The following NAV2 variants were observed in gnomAD, a reference collection of about 807,000 sequenced individuals.
NAV2 encodes the protein neuron navigator 2.
A neutral mutation model predicts 223.2 loss-of-function variants in NAV2; 54 were observed. That is an observed-to-expected ratio of 0.24 (90% confidence interval 0.19 to 0.30). The LOEUF is 0.30. NAV2 is among the 10% of genes least tolerant of loss of function. The probability of loss-of-function intolerance (pLI) is 1.00; values close to 1 mark genes in which losing one functional copy is unlikely to be tolerated. For synonymous variants in NAV2, 1,279 were observed against 1,239.3 expected, an observed-to-expected ratio of 1.03 and a Z score of -0.67; for missense variants, 2,806 against 3,147.5, an observed-to-expected ratio of 0.89 and a Z score of 2.60.
At chr11:19,672,287 T>A (rs2048594599) in intron 1 of NAV2, among the ~76,000 whole-genome samples, 1 of 152,202 alleles carries the variant, frequency 6.6e-6, no homozygotes, top group African/African-American at 2.4e-5. Context: ...TGTGGTTGTT[T>A]AACTTTTCTC....
rs117345937 is a variant in NAV2, at chr11:19,351,348, C to T, written c.75+321C>T. Among the ~76,000 whole-genome samples the T allele has an allele frequency of 6.7e-3, 1,017 of 152,292 alleles. 14 individuals carry two copies. Among genetic ancestry groups the T allele is most frequent in the South Asian group, 0.038 (181 of 4,818 alleles). ...ATGAGTTTCTTTGTACTGAAGCCCC[C>T]TTCGGGATTCACACACTCTTAGCAC... is the stretch of plus-strand genomic sequence containing the variant. On this transcript the variant is annotated intron_variant, in intron 1 of 37. Transcript: ENST00000360655.
At chr11:19,567,015 G>A (rs893360410) in intron 1 of NAV2, among the ~76,000 whole-genome samples, 1 of 152,192 alleles carries the variant, frequency 6.6e-6, no homozygotes, top group Non-Finnish European at 1.5e-5. Context: ...TTTCTGGAAC[G>A]AGAAATCTAC....
chr11:19,514,542 C>G (rs1321892759), intron 1 of NAV2, among the ~76,000 whole-genome samples: 1 of 152,150 alleles, frequency 6.6e-6, no homozygotes, highest in African/African-American at 2.4e-5. Flanking sequence ...TCAGAGAGAC[C>G]AACTCACTAA....
At chr11:19,928,227 C>G (rs913405087) in intron 6 of NAV2, among the ~76,000 whole-genome samples, 2 of 152,092 alleles carry the variant, frequency 1.3e-5, no homozygotes, top group South Asian at 4.1e-4. Context: ...TTGTATTTTC[C>G]TTAAACTAGC....
At chr11:19,461,011 A>G (rs995518789) in intron 1 of NAV2, among the ~76,000 whole-genome samples, 7 of 152,250 alleles carry the variant, frequency 4.6e-5, no homozygotes, top group Admixed American at 3.9e-4. Flanking sequence ...CTGATTTTCC[A>G]GGAGGGGACT....
intron 19 of NAV2, among the ~76,000 whole-genome samples, chr11:20,059,467 T>C (rs2058568799): frequency 6.6e-6 from 1 of 152,172 alleles, no homozygotes; most frequent in South Asian, 2.1e-4. Flanking sequence ...TTCTATCTAG[T>C]GTTTTCACTC....
chr11:20,075,577 G>A lies in NAV2; in HGVS notation c.4984-1975G>A, dbSNP rs149783041. Among the ~76,000 whole-genome samples, 1,153 of 152,094 alleles carry A rather than the reference G, an allele frequency of 7.6e-3. 4 individuals carry two copies. The highest frequency in any genetic ancestry group is 0.034 in the Middle Eastern group (10 of 292). ...TTAATAGAGAGAGGGAGTGCAATGA[G>A]AGAGAAGCTAACTATTCCACTTAAC... On this transcript the variant is annotated intron_variant, in intron 22 of 37. Coordinates refer to ENST00000349880, the MANE Select transcript of NAV2 (RefSeq NM_145117.5).
intron 3 of NAV2, among the ~76,000 whole-genome samples, chr11:19,856,553 T>G (rs11025292): frequency 0.15 from 22,912 of 152,136 alleles, 1,784 homozygotes; most frequent in African/African-American, 0.17. Context: ...AACTAGCTTT[T>G]GAAATAAAAA....
chr11:19,792,429 A>G (rs1344003814), intron 1 of NAV2, among the ~76,000 whole-genome samples: 1 of 152,198 alleles, frequency 6.6e-6, no homozygotes, highest in African/African-American at 2.4e-5. Context: ...TGCAGGGGAG[A>G]GCACTCTTGG....
chr11:19,853,623 T>G (rs1158090620), intron 3 of NAV2, among the ~76,000 whole-genome samples: 1 of 152,246 alleles, frequency 6.6e-6, no homozygotes, highest in Non-Finnish European at 1.5e-5. Flanking sequence ...CATTCCTGCC[T>G]TGTACATTCT....
chr11:19,395,232 A>G (rs1849401729), intron 1 of NAV2, among the ~76,000 whole-genome samples: 1 of 152,268 alleles, frequency 6.6e-6, no homozygotes, highest in Non-Finnish European at 1.5e-5. Context: ...GTGCATTCAC[A>G]TTCCTGTTCA....
At chr11:19,401,160 T>C (rs1004963463) in intron 1 of NAV2, among the ~76,000 whole-genome samples, 1 of 152,244 alleles carries the variant, frequency 6.6e-6, no homozygotes, top group South Asian at 2.1e-4. Flanking sequence ...AAAATATTAA[T>C]TCTTTCTATT....
At position 19,713,746 on chromosome 11, in the gene NAV2, C is replaced by T. The variant is rs184978478; in HGVS notation, c.51C>T (p.Pro17=). 3 of 1,611,144 alleles carry T rather than the reference C, an allele frequency of 1.9e-6. No individual in the cohort carries two copies. Among genetic ancestry groups the T allele is most frequent in the South Asian group, 1.1e-5 (1 of 90,828 alleles). Residue 17 remains proline, a synonymous_variant, in exon 1 of 38, where the codon CCC becomes CCT. Coordinates refer to ENST00000349880, the MANE Select transcript of NAV2 (RefSeq NM_145117.5). This position sits in a 1 kb window ranked among gnomAD's most constrained non-coding sequence, Gnocchi z 7.2. ...ASKMKSGLPK[P]VHSAAPILHV... is the part of the protein sequence containing the mutation. The stretch of plus-strand genomic sequence containing the variant: ...AAATGAAGTCGGGACTGCCCAAACC[C>T]GTGCACAGCGCCGCGCCCATCCTGC...
chr11:19,928,277 A>C (rs1408208256), intron 6 of NAV2, among the ~76,000 whole-genome samples: 3 of 152,184 alleles, frequency 2.0e-5, no homozygotes, highest in Admixed American at 6.5e-5. Context: ...TGAAACTGTT[A>C]ATTTATATAT....
At chr11:20,092,900 C>G (rs2060952682) in intron 28 of NAV2, among the ~76,000 whole-genome samples, 199 bp from the exon 29 acceptor site, 1 of 152,174 alleles carries the variant, frequency 6.6e-6, no homozygotes, top group South Asian at 2.1e-4. Flanking sequence ...CATTGTCAGC[C>G]TACTGGTTCT....
rs992164120 is a variant in NAV2, at chr11:19,402,769, A to G, written c.75+51742A>G. On this transcript the variant is annotated intron_variant, in intron 1 of 37. Coordinates refer to the NAV2 transcript ENST00000360655. ...ATCTGTCTCCATGTGAGCATTGCTC[A>G]CTGTAGTTACCTCTGTCTCTCAGCA... 7.2e-5 allele frequency among the ~76,000 whole-genome samples: 11 copies of G among 152,220 alleles called. 1 individual carries two copies. The highest frequency in any genetic ancestry group is 7.2e-4 in the Admixed American group (11 of 15,280).
chr11:19,473,115 G>T (rs1428961332), intron 1 of NAV2, among the ~76,000 whole-genome samples: 4 of 152,180 alleles, frequency 2.6e-5, no homozygotes, highest in Admixed American at 2.6e-4. Context: ...AGTCCTTGCT[G>T]ATTTTCCCAG....
At chr11:19,528,118 C>T (rs1183607604) in intron 1 of NAV2, among the ~76,000 whole-genome samples, 1 of 152,090 alleles carries the variant, frequency 6.6e-6, no homozygotes, top group Admixed American at 6.6e-5. Context: ...ATTTTTGTAT[C>T]GAGGAAACAT....
chr11:19,502,969 A>G (rs192432270), intron 1 of NAV2: 1 of 152,172 alleles, frequency 6.6e-6, no homozygotes, highest in Non-Finnish European at 1.5e-5. Flanking sequence ...ATTCCAGGAG[A>G]TGGGACCTGG....
Sources: gnomAD v4.1 joint callset for allele counts (sites outside exome capture counted in the v4.1 genomes callset) on GRCh38, gnomAD v4.1.1 for gene constraint, Gnocchi (gnomAD v3.1) non-coding constraint, MANE v1.5 for transcripts, NCBI Gene and HGNC (gene_info 2026-07-23, HGNC 2026-07-21) for gene names.